H2BC5: variants seen among roughly 807,000 people sequenced by gnomAD.
The protein encoded by H2BC5 is H2B clustered histone 5.
Under a neutral mutation model 5.7 loss-of-function variants are expected in H2BC5, and 9 were observed. The observed-to-expected ratio is 1.57, with a 90% CI of 0.95 to 2.74. The LOEUF (loss-of-function observed/expected upper bound fraction) is 2.74. Ranked by LOEUF, H2BC5 falls within the 30% of genes most tolerant of loss-of-function variation. The pLI is 0.00. For missense variants in H2BC5, 175 were observed against 168.8 expected, an observed-to-expected ratio of 1.04 and a Z score of -0.20; for synonymous variants, 133 against 70.9, an observed-to-expected ratio of 1.88 and a Z score of -4.40.
chr6:26,160,539 AAC>A (rs1212887128), downstream of H2BC5, among the ~76,000 whole-genome samples: 1 of 149,214 alleles, frequency 6.7e-6, no homozygotes, highest in African/African-American at 2.5e-5. Context: ...AAAAAAAAGC[AAC>A]AGACAATGGA....
At chr6:26,161,824 A>C (rs1404483682), downstream of H2BC5, among the ~76,000 whole-genome samples, 3 of 152,174 alleles carry the variant, frequency 2.0e-5, no homozygotes, top group Admixed American at 2.0e-4. Flanking sequence ...GTAAAATATG[A>C]TCTGACGTTG....
chr6:26,158,347 A>G lies in H2BC5; in HGVS notation c.178A>G (p.Met60Val). ...HPDTGISSKAMGIMNSFVNDI... is the reference protein window; with the variant it reads ...HPDTGISSKAVGIMNSFVNDI... ...CGACACCGGCATCTCTTCCAAGGCAATGGGGATCATGAATTCCTTCGTCAA... is the reference window on the plus strand; with the variant it reads ...CGACACCGGCATCTCTTCCAAGGCAGTGGGGATCATGAATTCCTTCGTCAA... Residue 60 changes from methionine to valine, a missense_variant, in exon 1 of 1, where the codon ATG becomes GTG. Around this residue, in one of 4 missense-constraint regions of H2BC5, gnomAD observed 119 missense variants for 85.6 expected, o/e 1.39. Transcript: ENST00000377777. 1.2e-6 allele frequency: 2 copies of G among 1,614,266 alleles called. No homozygotes were observed. Among genetic ancestry groups the G allele is most frequent in the East Asian group, 2.2e-5 (1 of 44,890 alleles).
rs530076599 is a variant in H2BC5 at position 26,168,572 on chromosome 6, C to T, written c.*10-2403C>T. 4.0e-5 allele frequency among the ~76,000 whole-genome samples: 6 copies of T among 151,498 alleles called. No homozygotes were observed. In the East Asian group the frequency reaches 1.2e-3, roughly 29 times the overall value. ...CTTTACCTTTTTTATATTTGAAATG[C>T]TTGGATGTAAAAAGCATTTGTGCTT... is the stretch of plus-strand genomic sequence containing the variant. On this transcript the variant is annotated intron_variant, in intron 1 of 1. Coordinates refer to the H2BC5 transcript ENST00000289316.
chr6:26,159,588 G>T (rs1490471845), downstream of H2BC5, among the ~76,000 whole-genome samples: 1 of 152,142 alleles, frequency 6.6e-6, no homozygotes, highest in Non-Finnish European at 1.5e-5. Context: ...GGAGGGAGTG[G>T]CCAGAAGGAA....
chr6:26,162,058 GTGC>G (rs1387891772), downstream of H2BC5, among the ~76,000 whole-genome samples: 2 of 152,188 alleles, frequency 1.3e-5, no homozygotes, highest in Admixed American at 1.3e-4. Context: ...GTCACTATGT[GTGC>G]TGTGAATTAA....
intron 1 of H2BC5, chr6:26,164,398 G>A: frequency 4.5e-6 from 1 of 220,352 alleles, no homozygotes; most frequent in Non-Finnish European, 1.0e-5. Flanking sequence ...AGAAGTGCAT[G>A]GCCATGCCCA....
intron 1 of H2BC5, among the ~76,000 whole-genome samples, chr6:26,170,318 G>A (rs1326189931): frequency 1.3e-5 from 2 of 152,094 alleles, no homozygotes; most frequent in African/African-American, 4.8e-5. Flanking sequence ...CACCTGTTTT[G>A]CTGCTTGTTT....
rs373944543 is a variant in H2BC5, at chr6:26,158,148, T to C, written c.-22T>C. The C allele has an allele frequency of 1.9e-6, 3 of 1,602,650 alleles. No homozygotes were observed. The highest frequency in any genetic ancestry group is 1.7e-6 in the Non-Finnish European group (2 of 1,175,528). On this transcript the variant is annotated 5_prime_UTR_variant, in exon 1 of 1. Transcript: ENST00000377777. Reference sequence around the variant, plus strand: ...TTATTTTCTCAGGTGTTTGCAACAGTGTTCTAACTATTAACGCTACGATGC... The same window carrying C: ...TTATTTTCTCAGGTGTTTGCAACAGCGTTCTAACTATTAACGCTACGATGC...
intron 1 of H2BC5, among the ~76,000 whole-genome samples, chr6:26,166,669 C>T (rs964845280): frequency 6.8e-6 from 1 of 146,892 alleles, no homozygotes; most frequent in Non-Finnish European, 1.5e-5. Context: ...GTGGTCGGCA[C>T]GAGCAGAGGG....
intron 1 of H2BC5, among the ~76,000 whole-genome samples, chr6:26,169,301 G>A (rs2113839067): frequency 6.6e-6 from 1 of 152,264 alleles, no homozygotes; most frequent in East Asian, 1.9e-4. Flanking sequence ...TACACAGAGA[G>A]ATATGGTGGT....
chr6:26,159,564 T>G (rs1341422233), downstream of H2BC5, among the ~76,000 whole-genome samples: 1 of 151,316 alleles, frequency 6.6e-6, no homozygotes, highest in Non-Finnish European at 1.5e-5. Context: ...CGGAAAAGAG[T>G]CGGGAGGGAA....
chr6:26,158,582 C>A lies in H2BC5; in HGVS notation c.*32C>A, dbSNP rs767932100. 1 of 1,604,810 alleles carries A rather than the reference C, an allele frequency of 6.2e-7. No homozygotes were observed. The highest frequency in any genetic ancestry group is 1.1e-5 in the South Asian group (1 of 89,980). On this transcript the variant is annotated 3_prime_UTR_variant, in exon 1 of 1. Coordinates refer to ENST00000377777, the MANE Select transcript of H2BC5 (RefSeq NM_021063.4). ...CAAGTAAGCATCTTTACACCTAATC[C>A]CAAAGGCTCTTTTAAGAGCCACGCA...
intron 1 of H2BC5, chr6:26,164,041 A>C: frequency 2.2e-6 from 1 of 454,878 alleles, no homozygotes. Context: ...AACTTATTGA[A>C]ATATTCCAAA....
intron 1 of H2BC5, among the ~76,000 whole-genome samples, chr6:26,168,675 A>G (rs2066295): frequency 0.22 from 33,089 of 152,066 alleles, 3,747 homozygotes; most frequent in Non-Finnish European, 0.24. Flanking sequence ...TAAGAATTTC[A>G]ACAATTCAGA....
In H2BC5 at chr6:26,158,520, G is replaced by A. The variant is rs1764279316; in HGVS notation, c.351G>A (p.Lys117=). The A allele has an allele frequency of 1.2e-6, 2 of 1,614,230 alleles. No homozygotes were observed. Among genetic ancestry groups the A allele is most frequent in the Non-Finnish European group, 1.7e-6 (2 of 1,180,040 alleles). The part of the protein sequence containing the change: ...LAKHAVSEGT[K]AVTKYTSSK ...AGCACGCCGTGTCGGAGGGCACCAA[G>A]GCCGTCACCAAGTACACCAGTTCCA... Residue 117 remains lysine, a synonymous_variant, in exon 1 of 1, where the codon AAG becomes AAA. Transcript: ENST00000377777.
At chr6:26,168,460 TAAAA>T (rs1018788679) in intron 1 of H2BC5, among the ~76,000 whole-genome samples, 2 of 143,392 alleles carry the variant, frequency 1.4e-5, no homozygotes, top group African/African-American at 5.2e-5. Flanking sequence ...CTCCATTTTT[TAAAA>T]AAAAAAAATA....
At chr6:26,169,630 A>C (rs1764486062) in intron 1 of H2BC5, among the ~76,000 whole-genome samples, 1 of 152,150 alleles carries the variant, frequency 6.6e-6, no homozygotes, top group Admixed American at 6.6e-5. Flanking sequence ...AAAAGGTGAG[A>C]GAAATTGAGA....
chr6:26,169,395 AGT>A (rs1764483882), intron 1 of H2BC5, among the ~76,000 whole-genome samples: 1 of 152,194 alleles, frequency 6.6e-6, no homozygotes, highest in Admixed American at 6.5e-5. Context: ...AGCCTAAAAA[AGT>A]GTTTCTCATA....
rs750700667 is a variant in H2BC5, at chr6:26,158,285, C to G, written c.116C>G (p.Ser39Ter). Residue 39 changes from serine (S) to a stop codon, truncating the protein, a stop_gained, in exon 1 of 1, where the codon TCA (serine) becomes TGA (stop). Coordinates refer to ENST00000377777, the MANE Select transcript of H2BC5 (RefSeq NM_021063.4). LOFTEE classifies it high-confidence loss of function. The part of the protein sequence containing the change: ...KRKRSRKESY[S>*]VYVYKVLKQV... ...AAGCGCAGCCGCAAGGAGAGCTATT[C>G]AGTGTATGTGTACAAGGTGCTGAAG... 1.2e-6 allele frequency: 2 copies of G among 1,614,252 alleles called. No individual in the cohort carries two copies. Among genetic ancestry groups the G allele is most frequent in the Non-Finnish European group, 1.7e-6 (2 of 1,180,048 alleles).
Sources: allele counts gnomAD v4.1 joint callset (sites outside exome capture counted in the v4.1 genomes callset), GRCh38; gene constraint gnomAD v4.1.1; regional missense constraint gnomAD v4.1.1; transcripts MANE v1.5; gene names NCBI Gene and HGNC (gene_info 2026-07-23, HGNC 2026-07-21).